The following SYT1 variants were observed in gnomAD, a reference collection of about 807,000 sequenced individuals.
The protein encoded by SYT1 is synaptotagmin 1.
Under a neutral mutation model 44.8 loss-of-function variants are expected in SYT1, and 8 were observed. That is an observed-to-expected ratio of 0.18 (90% CI 0.10 to 0.32). SYT1 has a LOEUF of 0.32. SYT1 is among the 10% of genes least tolerant of loss of function. The pLI is 1.00. For synonymous variants in SYT1, 154 were observed against 188.8 expected (o/e 0.82, Z 1.51); for missense variants, 286 against 509.3 (o/e 0.56, Z 4.22).
At chr12:79,056,341 G>A (rs1363861130) in intron 3 of SYT1, among the ~76,000 whole-genome samples, 1 of 151,988 alleles carries the variant, frequency 6.6e-6, no homozygotes, top group Non-Finnish European at 1.5e-5. Flanking sequence ...TGCTTTGGGA[G>A]GAGTCCATCA....
chr12:79,262,334 C>A lies in SYT1; in HGVS notation c.167-23453C>A, dbSNP rs80203904. Reference sequence around the variant, plus strand: ...AGAAGAAACTTCTCCTACTTAACTCCAACCTTATGACTCTTCTCTGATATT... The same window carrying A: ...AGAAGAAACTTCTCCTACTTAACTCAAACCTTATGACTCTTCTCTGATATT... On this transcript the variant is annotated intron_variant, in intron 4 of 10. Transcript: ENST00000261205. 0.012 allele frequency among the ~76,000 whole-genome samples: 1,796 copies of A among 152,254 alleles called. 82 individuals carry two copies. In the East Asian group the frequency reaches 0.13, roughly 11 times the overall value.
chr12:79,429,338 C>T (rs573000940), intron 9 of SYT1, among the ~76,000 whole-genome samples: 2 of 152,096 alleles, frequency 1.3e-5, no homozygotes, highest in South Asian at 4.1e-4. Context: ...TCCCACATAG[C>T]TGGAACTACA....
At chr12:79,426,725 A>G (rs1162768068) in intron 9 of SYT1, among the ~76,000 whole-genome samples, 2 of 152,228 alleles carry the variant, frequency 1.3e-5, no homozygotes, top group Non-Finnish European at 2.9e-5. Flanking sequence ...TTATGTTTCT[A>G]ATAACATTTT....
chr12:78,911,437 G>A (rs1876320079), intron 1 of SYT1, among the ~76,000 whole-genome samples: 1 of 151,844 alleles, frequency 6.6e-6, no homozygotes, highest in Admixed American at 6.6e-5. Flanking sequence ...ACCTTGGGGT[G>A]CGCCAACATT....
At chr12:78,927,729 G>A (rs532736838) in intron 1 of SYT1, among the ~76,000 whole-genome samples, 19 of 152,172 alleles carry the variant, frequency 1.2e-4, no homozygotes, top group African/African-American at 4.6e-4. Flanking sequence ...TAGATATCAG[G>A]ATAATTTAAG....
rs1174511638 is a variant in SYT1, at chr12:79,450,244, A to AACAG, written c.*1125_*1128dup. 3 of 152,646 alleles carry AACAG rather than the reference A, an allele frequency of 2.0e-5. No individual in the cohort carries two copies. The highest frequency in any genetic ancestry group is 1.9e-4 in the East Asian group (1 of 5,202). 9.5% of individuals were successfully genotyped at this position (152,646 alleles called of 1,614,324 possible). A position where few individuals can be genotyped will look rare whatever the true frequency, so the allele number is the denominator to read the frequency against. On this transcript the variant is annotated 3_prime_UTR_variant, in exon 11 of 11. Coordinates refer to ENST00000261205, the MANE Select transcript of SYT1 (RefSeq NM_005639.3). ...TATTACACAAAATTACTTTGTGGTA[A>AACAG]ACAGACAGTATTGTAATCCCATCAA...
chr12:79,377,350 A>T (rs376268113), intron 9 of SYT1, among the ~76,000 whole-genome samples: 149 of 152,308 alleles, frequency 9.8e-4, no homozygotes, highest in African/African-American at 3.4e-3. Flanking sequence ...TGACCTCGTG[A>T]TCCGCCTACC....
intron 3 of SYT1, among the ~76,000 whole-genome samples, chr12:79,078,388 T>A (rs1374559180): frequency 6.6e-6 from 1 of 152,202 alleles, no homozygotes; most frequent in Non-Finnish European, 1.5e-5. Flanking sequence ...CCAATATATA[T>A]AAAGCACTTA....
In SYT1 at chr12:79,293,380, TAAAATAAAATA is replaced by T. The variant is rs1565894528; in HGVS notation, c.474+1254_474+1264del. Among the ~76,000 whole-genome samples the T allele has an allele frequency of 2.2e-5, 3 of 135,228 alleles. No homozygotes were observed. In the East Asian group the frequency reaches 6.2e-4, roughly 28 times the overall value. 88.7% of individuals were successfully genotyped at this position (135,228 alleles called of 152,430 possible). A position where few individuals can be genotyped will look rare whatever the true frequency, so the allele number is the denominator to read the frequency against. On this transcript the variant is annotated intron_variant, in intron 6 of 10. Transcript: ENST00000261205. ...TAAAATAAAATAAAATAAAATAAAA[TAAAATAAAATA>T]AAATAAAATAAAATAAAATTAAAAA...
chr12:79,327,715 G>A (rs1170003681), intron 8 of SYT1, among the ~76,000 whole-genome samples: 1 of 152,200 alleles, frequency 6.6e-6, no homozygotes, highest in Non-Finnish European at 1.5e-5. Flanking sequence ...GGACTTCATA[G>A]GCGATGAGGA....
intron 3 of SYT1, among the ~76,000 whole-genome samples, chr12:79,128,483 C>G (rs1293433053): frequency 2.0e-5 from 3 of 152,164 alleles, no homozygotes; most frequent in Non-Finnish European, 4.4e-5. Context: ...TTGGAACTCC[C>G]TTCCTCTTCT....
intron 8 of SYT1, among the ~76,000 whole-genome samples, chr12:79,312,002 A>G (rs1434524361): frequency 6.6e-6 from 1 of 151,952 alleles, no homozygotes; most frequent in Non-Finnish European, 1.5e-5. Context: ...CATGTACCCT[A>G]AAACTTAAAG....
chr12:79,156,323 G>A (rs1219104386), intron 3 of SYT1, among the ~76,000 whole-genome samples: 4 of 152,098 alleles, frequency 2.6e-5, no homozygotes, highest in Non-Finnish European at 4.4e-5. Flanking sequence ...TGGCTTGTAC[G>A]GGTAAATTAT....
At chr12:79,039,615 TTTA>T (rs1386158989) in intron 2 of SYT1, among the ~76,000 whole-genome samples, 140 of 148,450 alleles carry the variant, frequency 9.4e-4, no homozygotes, top group African/African-American at 3.1e-3. Context: ...TTTATTTATT[TTTA>T]TTTTTTTATT....
rs1870881532 is a variant in SYT1 at position 79,448,904 on chromosome 12, A to C, written c.1063-14A>C. The C allele has an allele frequency of 6.2e-7, 1 of 1,613,438 alleles. No individual in the cohort carries two copies. Among genetic ancestry groups the C allele is most frequent in the Non-Finnish European group, 8.5e-7 (1 of 1,179,580 alleles). Reference sequence around the variant, plus strand: ...GAGCTAGATGATTCATATTCATTTCATGGCTTCTTTCAGAAAGTGCAGGTG... The same window carrying C: ...GAGCTAGATGATTCATATTCATTTCCTGGCTTCTTTCAGAAAGTGCAGGTG... On this transcript the variant is annotated splice_polypyrimidine_tract_variant and intron_variant, in intron 10 of 10. Coordinates refer to ENST00000261205, the MANE Select transcript of SYT1 (RefSeq NM_005639.3).
intron 1 of SYT1, among the ~76,000 whole-genome samples, chr12:78,940,841 C>T (rs1289636473): frequency 1.3e-5 from 2 of 151,930 alleles, no homozygotes; most frequent in Non-Finnish European, 2.9e-5. Flanking sequence ...ATTCAACATG[C>T]CTAAGGTAAG....
At chr12:79,372,617 G>A (rs565192384) in intron 9 of SYT1, among the ~76,000 whole-genome samples, 9 of 151,968 alleles carry the variant, frequency 5.9e-5, no homozygotes, top group African/African-American at 7.3e-5. Context: ...ACCAAACTCC[G>A]GAAGGCTGAC....
At chr12:78,953,821 A>C (rs1385498358) in intron 1 of SYT1, among the ~76,000 whole-genome samples, 1 of 152,096 alleles carries the variant, frequency 6.6e-6, no homozygotes, top group East Asian at 1.9e-4. Context: ...AAGAAAGTGC[A>C]TCAGATTTTT....
At chr12:79,019,825 G>A (rs1370536526) in intron 2 of SYT1, among the ~76,000 whole-genome samples, 2 of 151,918 alleles carry the variant, frequency 1.3e-5, no homozygotes, top group African/African-American at 4.8e-5. Context: ...GTACTAAAAT[G>A]CTTTCATTTT....
Sources: gnomAD v4.1 joint callset for allele counts (sites outside exome capture counted in the v4.1 genomes callset) on GRCh38, gnomAD v4.1.1 for gene constraint, MANE v1.5 for transcripts, NCBI Gene and HGNC (gene_info 2026-07-23, HGNC 2026-07-21) for gene names.